Variants in NRXN1 observed in about 807,000 individuals in gnomAD.
The protein encoded by NRXN1 is neurexin 1.
A neutral mutation model predicts 150.9 loss-of-function variants in NRXN1; 39 were observed. That is an observed-to-expected ratio of 0.26 (90% CI 0.20 to 0.34). The LOEUF is 0.34. Among genes scored for constraint, NRXN1 ranks in the 10% least tolerant of loss-of-function variants. The pLI is 1.00. For synonymous variants in NRXN1, 924 were observed against 757.0 expected (o/e 1.22, Z -3.62); for missense variants, 1,815 against 1,949.9 (o/e 0.93, Z 1.30).
At chr2:50,941,291 T>C (rs1023299989) in intron 2 of NRXN1, among the ~76,000 whole-genome samples, 1 of 152,144 alleles carries the variant, frequency 6.6e-6, no homozygotes, top group African/African-American at 2.4e-5. Flanking sequence ...TACAGAAAAT[T>C]GGTACCAGGA....
Position 50,370,057 on chromosome 2 carries a change from T to A in NRXN1, c.3364+95385A>T, listed in dbSNP as rs2079901843. Among the ~76,000 whole-genome samples, 4 of 152,090 alleles carry A rather than the reference T, an allele frequency of 2.6e-5. No homozygotes were observed. The South Asian group carries it at 8.3e-4, about 31-fold the overall frequency. Reference sequence around the variant, plus strand: ...GACCTCAATTTCTACCTCTTTTCATTGAGACTCCATTATCTACTCCTATAC... The same window carrying A: ...GACCTCAATTTCTACCTCTTTTCATAGAGACTCCATTATCTACTCCTATAC... On this transcript the variant is annotated intron_variant, in intron 17 of 22. Transcript: ENST00000401669.
intron 5 of NRXN1, among the ~76,000 whole-genome samples, chr2:50,824,131 AT>A (rs530987160): frequency 6.6e-6 from 1 of 152,060 alleles, no homozygotes; most frequent in East Asian, 1.9e-4. Context: ...ACCAAACTAC[AT>A]TTTTTTCACA....
At chr2:50,122,199 T>C (rs564633647) in intron 18 of NRXN1, among the ~76,000 whole-genome samples, 3 of 152,360 alleles carry the variant, frequency 2.0e-5, no homozygotes, top group Non-Finnish European at 2.9e-5. Context: ...TTGAAAAGCA[T>C]CTTTCTTCAC....
rs143474125 is a variant in NRXN1 at position 50,328,651 on chromosome 2, G to A, written c.3365-91681C>T. On this transcript the variant is annotated intron_variant, in intron 17 of 22. Transcript: ENST00000401669. Reference sequence around the variant, plus strand: ...CTCAGGAGGCCGAGGCAGGAAAATCGTTTGAAACCAGGAGGCAGAGGTTGC... The same window carrying A: ...CTCAGGAGGCCGAGGCAGGAAAATCATTTGAAACCAGGAGGCAGAGGTTGC... Among the ~76,000 whole-genome samples, 352 of 152,222 alleles carry A rather than the reference G, an allele frequency of 2.3e-3. 1 individual carries two copies. The highest frequency in any genetic ancestry group is 0.013 in the East Asian group (68 of 5,182).
chr2:50,224,694 AG>A (rs1490539520), intron 18 of NRXN1, among the ~76,000 whole-genome samples: 2 of 3,598 alleles, frequency 5.6e-4, no homozygotes, highest in African/African-American at 1.5e-3. Flanking sequence ...AGAGGGAGAA[AG>A]AGAGAGAGAG....
intron 18 of NRXN1, among the ~76,000 whole-genome samples, chr2:50,144,079 C>T (rs1707670197): frequency 6.6e-6 from 1 of 151,778 alleles, no homozygotes; most frequent in African/African-American, 2.4e-5. Context: ...ACTATCATCC[C>T]CACTCCAATG....
intron 8 of NRXN1, among the ~76,000 whole-genome samples, chr2:50,576,736 A>C (rs1161049626): frequency 6.6e-6 from 1 of 152,108 alleles, no homozygotes; most frequent in Non-Finnish European, 1.5e-5. Context: ...GTCAGGGTAT[A>C]ATATGATGGC....
intron 17 of NRXN1, among the ~76,000 whole-genome samples, chr2:50,405,780 T>C (rs965784541): frequency 6.6e-6 from 1 of 152,210 alleles, no homozygotes; most frequent in Non-Finnish European, 1.5e-5. Context: ...GAATTAATTA[T>C]ATTTGTATGA....
chr2:50,959,579 C>T (rs778023842), intron 2 of NRXN1, among the ~76,000 whole-genome samples: 3 of 151,988 alleles, frequency 2.0e-5, no homozygotes, highest in Non-Finnish European at 4.4e-5. Context: ...TGAATAGATG[C>T]CAGGAACTGG....
intron 21 of NRXN1, among the ~76,000 whole-genome samples, chr2:49,949,981 G>T (rs1159239704): frequency 6.6e-6 from 1 of 151,388 alleles, no homozygotes; most frequent in African/African-American, 2.4e-5. Flanking sequence ...CACTAGGTGA[G>T]GTTCCTTGAA....
chr2:50,435,012 T>TA (rs1218005162), intron 17 of NRXN1, among the ~76,000 whole-genome samples: 6 of 152,312 alleles, frequency 3.9e-5, no homozygotes, highest in Admixed American at 6.5e-5. Flanking sequence ...TATAAGCACC[T>TA]ATTTTTTTTC....
intron 19 of NRXN1, 70 bp downstream of exon 19, chr2:50,091,253 G>C: frequency 1.3e-6 from 2 of 1,554,310 alleles, no homozygotes; most frequent in South Asian, 1.1e-5. Context: ...TGAAACGGAT[G>C]CAAAACAGTG....
At chr2:50,970,809 G>C (rs1172762085) in intron 2 of NRXN1, among the ~76,000 whole-genome samples, 1 of 151,490 alleles carries the variant, frequency 6.6e-6, no homozygotes, top group Non-Finnish European at 1.5e-5. Flanking sequence ...AGATACAACA[G>C]TGCTCTTTTA....
intron 2 of NRXN1, among the ~76,000 whole-genome samples, chr2:51,013,590 G>A (rs1008336665): frequency 2.6e-5 from 4 of 151,782 alleles, no homozygotes; most frequent in Non-Finnish European, 5.9e-5. Flanking sequence ...CATAACTACA[G>A]AACTGAAAAT....
intron 18 of NRXN1, among the ~76,000 whole-genome samples, chr2:50,097,041 C>T (rs146443738): frequency 2.0e-5 from 3 of 152,290 alleles, no homozygotes; most frequent in East Asian, 1.9e-4. Flanking sequence ...GTAAAGATTT[C>T]GGTCTACATG....
At chr2:50,547,533 G>A (rs1025596799) in intron 9 of NRXN1, 6 of 152,188 alleles carry the variant, frequency 3.9e-5, no homozygotes, top group African/African-American at 1.2e-4. Flanking sequence ...TCTGGAAAGA[G>A]AGAGACTGGT....
chr2:50,163,609 A>C (rs114658354), intron 18 of NRXN1, among the ~76,000 whole-genome samples: 1,534 of 152,260 alleles, frequency 0.01, 29 homozygotes, highest in African/African-American at 0.035. Context: ...AGGATTGACA[A>C]CTGCCTTTTG....
At chr2:50,440,297 A>G (rs2085829715) in intron 17 of NRXN1, among the ~76,000 whole-genome samples, 1 of 152,164 alleles carries the variant, frequency 6.6e-6, no homozygotes, top group African/African-American at 2.4e-5. Flanking sequence ...AGAGATTCTT[A>G]GAGCTGGACT....
intron 17 of NRXN1, among the ~76,000 whole-genome samples, chr2:50,415,716 C>A (rs1343546382): frequency 6.6e-6 from 1 of 151,944 alleles, no homozygotes; most frequent in Non-Finnish European, 1.5e-5. Context: ...AACCACACAT[C>A]ATCATAAATA....
Sources: gnomAD v4.1 joint callset for allele counts (sites outside exome capture counted in the v4.1 genomes callset) on GRCh38, gnomAD v4.1.1 for gene constraint, MANE v1.5 for transcripts, NCBI Gene and HGNC (gene_info 2026-07-23, HGNC 2026-07-21) for gene names.